Variants in CDH13 observed in about 807,000 individuals in gnomAD.
CDH13 encodes the protein cadherin 13, also known as cadherin-13.
CDH13 carries 24 observed loss-of-function variants against 63.8 expected under a neutral mutation model. That is an observed-to-expected ratio of 0.38 (90% CI 0.27 to 0.53). The LOEUF is 0.53. CDH13 is among the 20% of genes least tolerant of loss of function. The pLI, the probability that CDH13 is intolerant of heterozygous loss-of-function variation, is 0.85. For synonymous variants in CDH13, 503 were observed against 355.3 expected (o/e 1.42, Z -4.67); for missense variants, 1,049 against 903.1 (o/e 1.16, Z -2.07).
At chr16:83,002,366 A>G (rs973570244) in intron 2 of CDH13, among the ~76,000 whole-genome samples, 3 of 152,206 alleles carry the variant, frequency 2.0e-5, no homozygotes, top group Non-Finnish European at 4.4e-5. Context: ...CTGGAGCCAC[A>G]GGAAGCTGAA....
intron 4 of CDH13, among the ~76,000 whole-genome samples, chr16:83,160,753 C>G (rs746681873): frequency 5.3e-5 from 8 of 152,162 alleles, no homozygotes; most frequent in Non-Finnish European, 1.0e-4. Flanking sequence ...CTGATGAGCT[C>G]AGAGATGCTC....
intron 5 of CDH13, among the ~76,000 whole-genome samples, chr16:83,326,129 C>G (rs967971526): frequency 3.3e-5 from 5 of 152,188 alleles, no homozygotes; most frequent in Non-Finnish European, 5.9e-5. Flanking sequence ...AGCCCAGTGT[C>G]AGTGTGCAGG....
intron 11 of CDH13, among the ~76,000 whole-genome samples, chr16:83,757,986 G>C (rs1913652438): frequency 6.6e-6 from 1 of 151,798 alleles, no homozygotes; most frequent in Non-Finnish European, 1.5e-5. Flanking sequence ...AAAATTAGCT[G>C]GGTATGGTGG....
At chr16:83,336,220 G>C (rs953693318) in intron 5 of CDH13, among the ~76,000 whole-genome samples, 3 of 150,256 alleles carry the variant, frequency 2.0e-5, no homozygotes, top group African/African-American at 7.4e-5. Context: ...AGAATCGCTT[G>C]AACCTGGGAG....
At chr16:82,939,529 C>T (rs551324552) in intron 2 of CDH13, among the ~76,000 whole-genome samples, 9 of 152,044 alleles carry the variant, frequency 5.9e-5, no homozygotes, top group Admixed American at 2.6e-4. Context: ...TGAATAATTA[C>T]GCACATACCT....
chr16:82,935,086 C>A (rs981825039), intron 2 of CDH13, among the ~76,000 whole-genome samples: 2 of 152,176 alleles, frequency 1.3e-5, no homozygotes. Flanking sequence ...ATACCTGAGA[C>A]TGGGTGATTT....
intron 6 of CDH13, among the ~76,000 whole-genome samples, chr16:83,460,560 A>C (rs1045529552): frequency 6.6e-6 from 1 of 152,200 alleles, no homozygotes; most frequent in Admixed American, 6.5e-5. Flanking sequence ...CAGGACATGC[A>C]TATGTGGAAA....
intron 2 of CDH13, among the ~76,000 whole-genome samples, chr16:82,871,344 G>C (rs1289086363): frequency 6.6e-6 from 1 of 152,138 alleles, no homozygotes; most frequent in Non-Finnish European, 1.5e-5. Flanking sequence ...GGCTGCCATG[G>C]AGCCATTTCA....
chr16:82,982,179 G>T (rs1239630483), intron 2 of CDH13, among the ~76,000 whole-genome samples: 2 of 152,006 alleles, frequency 1.3e-5, no homozygotes, highest in African/African-American at 4.8e-5. Context: ...TTGTAGGAAG[G>T]TATATGAATT....
chr16:82,881,046 C>T (rs776335565), intron 2 of CDH13, among the ~76,000 whole-genome samples: 3 of 152,270 alleles, frequency 2.0e-5, no homozygotes, highest in East Asian at 1.9e-4. Flanking sequence ...AAATGGAATG[C>T]GTGGATGCCA....
intron 4 of CDH13, among the ~76,000 whole-genome samples, chr16:83,164,340 A>G (rs2037570884): frequency 6.6e-6 from 1 of 151,826 alleles, no homozygotes; most frequent in Non-Finnish European, 1.5e-5. Context: ...ACCACACATC[A>G]CATACCACAC....
At chr16:83,305,007 A>G (rs2089840093) in intron 5 of CDH13, among the ~76,000 whole-genome samples, 1 of 152,220 alleles carries the variant, frequency 6.6e-6, no homozygotes, top group South Asian at 2.1e-4. Context: ...GCAATGAGCC[A>G]TATACGCATT....
chr16:82,745,004 C>T (rs1000876417), intron 1 of CDH13, among the ~76,000 whole-genome samples: 6 of 152,058 alleles, frequency 3.9e-5, no homozygotes, highest in South Asian at 2.1e-4. Context: ...GTACGGAGAG[C>T]GGTGAATTTT....
chr16:83,485,560 C>G (rs550637703), intron 6 of CDH13, among the ~76,000 whole-genome samples: 1 of 152,254 alleles, frequency 6.6e-6, no homozygotes, highest in South Asian at 2.1e-4. Flanking sequence ...TGCTCTCATT[C>G]CCTTTAACTG....
At chr16:83,064,555 A>T (rs2031845275) in intron 3 of CDH13, among the ~76,000 whole-genome samples, 2 of 152,218 alleles carry the variant, frequency 1.3e-5, no homozygotes, top group African/African-American at 4.8e-5. Context: ...TTATTATATA[A>T]TGATCATTCC....
At chr16:82,851,434 C>CAA (rs146083704) in intron 1 of CDH13, among the ~76,000 whole-genome samples, 35,868 of 79,018 alleles carry the variant, frequency 0.45, 5,331 homozygotes, top group Non-Finnish European at 0.55. Flanking sequence ...GATTTCGTCT[C>CAA]AAAAAAAAAA....
Position 83,796,446 on chromosome 16 carries a change from G to A in CDH13, c.*1416G>A, listed in dbSNP as rs1904281592. The A allele has an allele frequency of 6.6e-6, 1 of 152,232 alleles. No homozygotes were observed. Among genetic ancestry groups the A allele is most frequent in the East Asian group, 1.9e-4 (1 of 5,202 alleles). 9.4% of individuals were successfully genotyped at this position (152,232 alleles called of 1,614,324 possible). On this transcript the variant is annotated 3_prime_UTR_variant, in exon 14 of 14. Coordinates refer to ENST00000567109, the MANE Select transcript of CDH13 (RefSeq NM_001257.5). ...TGTGCTTTCAGTTAGCCTTCTGTAG[G>A]AAGTAGAAGTCATATGTTGTCTTTG... is the stretch of plus-strand genomic sequence containing the variant.
At chr16:83,003,662 A>T (rs1004176607) in intron 2 of CDH13, among the ~76,000 whole-genome samples, 5 of 152,192 alleles carry the variant, frequency 3.3e-5, no homozygotes, top group Non-Finnish European at 7.3e-5. Flanking sequence ...ATGGAGAGAC[A>T]GGTGGATGAA....
rs574180174 is a variant in CDH13 at position 83,796,029 on chromosome 16, T to G, written c.*999T>G. On this transcript the variant is annotated 3_prime_UTR_variant, in exon 14 of 14. Coordinates refer to ENST00000567109, the MANE Select transcript of CDH13 (RefSeq NM_001257.5). ...ATTTATGCACATTCACGCTGTTTGT[T>G]TCATATATACAGGCATAAAATAGAG... 4 of 152,646 alleles carry G rather than the reference T, an allele frequency of 2.6e-5. No individual in the cohort carries two copies. The highest frequency in any genetic ancestry group is 6.5e-5 in the Admixed American group (1 of 15,280). The allele number at this position is 152,646 out of a possible 1,614,324, so 9.5% of individuals were successfully genotyped here. A position where few individuals can be genotyped will look rare whatever the true frequency, so the allele number is the denominator to read the frequency against.
Sources: gnomAD v4.1 joint callset for allele counts (sites outside exome capture counted in the v4.1 genomes callset) on GRCh38, gnomAD v4.1.1 for gene constraint, MANE v1.5 for transcripts, NCBI Gene and HGNC (gene_info 2026-07-23, HGNC 2026-07-21) for gene names.